ZC3H11A: variants seen among roughly 807,000 people sequenced by gnomAD.
ZC3H11A encodes zinc finger CCCH-type containing 11A, also known as zinc finger CCCH domain-containing protein 11A.
Under a neutral mutation model 90.8 loss-of-function variants are expected in ZC3H11A, and 22 were observed. That is an observed-to-expected ratio of 0.24 (90% confidence interval 0.17 to 0.35). ZC3H11A has a LOEUF of 0.35. Among genes scored for constraint, ZC3H11A ranks in the 10% least tolerant of loss-of-function variants. ZC3H11A has a pLI of 1.00. For missense variants in ZC3H11A, 701 were observed against 964.9 expected, an observed-to-expected ratio of 0.73 and a Z score of 3.62; for synonymous variants, 294 against 339.8, an observed-to-expected ratio of 0.87 and a Z score of 1.48.
chr1:203,822,018 A>G (rs1323841612), intron 4 of ZC3H11A, among the ~76,000 whole-genome samples: 1 of 152,042 alleles, frequency 6.6e-6, no homozygotes, highest in Non-Finnish European at 1.5e-5. Flanking sequence ...TGGCCTCCCA[A>G]AGTCCTGGGA....
chr1:203,796,343 G>A (rs1339683351), intron 1 of ZC3H11A: 16 of 398,344 alleles, frequency 4.0e-5, no homozygotes, highest in Non-Finnish European at 7.1e-5. Flanking sequence ...GAAAGCCACC[G>A]ACCTTATTCC....
rs1159322906 is a variant in ZC3H11A, at chr1:203,817,667, A to G, written c.54+543A>G. The stretch of plus-strand genomic sequence containing the variant: ...TTGATTCTTTTGCAGCTCTATTTAC[A>G]TATACCTATTGCTTTCTGTGATTTT... On this transcript the variant is annotated intron_variant, in intron 3 of 17. Transcript: ENST00000367210. 3.9e-5 allele frequency among the ~76,000 whole-genome samples: 6 copies of G among 152,032 alleles called. No individual in the cohort carries two copies. The East Asian group carries it at 9.6e-4, about 24-fold the overall frequency.
At chr1:203,850,108 A>C in intron 15 of ZC3H11A, 82 bp downstream of exon 15, 1 of 1,296,486 alleles carries the variant, frequency 7.7e-7, no homozygotes, top group Non-Finnish European at 1.1e-6. Context: ...ACTTCCTGGC[A>C]ACAATTGGGT....
chr1:203,847,779 C>A, intron 13 of ZC3H11A, 92 bp downstream of exon 13: 1 of 1,511,454 alleles, frequency 6.6e-7, no homozygotes, highest in Non-Finnish European at 8.9e-7. Context: ...GTTTGACAAC[C>A]TTTCTTTACT....
intron 4 of ZC3H11A, among the ~76,000 whole-genome samples, chr1:203,822,019 A>T (rs1442764779): frequency 2.0e-5 from 3 of 152,092 alleles, no homozygotes; most frequent in South Asian, 4.1e-4. Context: ...GGCCTCCCAA[A>T]GTCCTGGGAT....
At chr1:203,808,990 C>T (rs935621057) in intron 2 of ZC3H11A, among the ~76,000 whole-genome samples, 2 of 151,784 alleles carry the variant, frequency 1.3e-5, no homozygotes, top group Admixed American at 6.6e-5. Flanking sequence ...GCCACCACGC[C>T]CAGCTAATTT....
At chr1:203,806,609 C>CT (rs1245386454) in intron 2 of ZC3H11A, among the ~76,000 whole-genome samples, 1 of 152,066 alleles carries the variant, frequency 6.6e-6, no homozygotes, top group Non-Finnish European at 1.5e-5. Flanking sequence ...GGCCTAACAC[C>CT]TTTTTTTCTT....
At position 203,820,170 on chromosome 1, in the gene ZC3H11A, G is replaced by C. The variant is rs1275583271; in HGVS notation, c.174+1481G>C. Among the ~76,000 whole-genome samples, 6 of 151,718 alleles carry C rather than the reference G, an allele frequency of 4.0e-5. No homozygotes were observed. The South Asian group carries it at 8.3e-4, about 21-fold the overall frequency. ...GAATCGCTTGAACCTGGGAGGCGGA[G>C]GTTGCACTGAGCTGAGATTGCGCCA... On this transcript the variant is annotated intron_variant, in intron 4 of 17. Transcript: ENST00000367210.
chr1:203,849,958 C>A lies in ZC3H11A; in HGVS notation c.1871C>A (p.Thr624Asn), dbSNP rs750473474. The change falls in exon 15 of 18, where the codon ACC becomes AAC. Residue 624 changes from threonine to asparagine, a missense_variant. Physicochemically the swap from Thr to Asn is moderately conservative, Grantham distance 65 (BLOSUM62 0). Coordinates refer to ENST00000367210, the MANE Select transcript of ZC3H11A (RefSeq NM_001376342.1). ...TKSSQKVEVETSGIGDSLLNV... is the reference protein window; with the variant it reads ...TKSSQKVEVENSGIGDSLLNV... ...TCATCCCAGAAGGTGGAGGTAGAAA[C>A]CTCAGGGATTGGAGACTCATTATTG... is the stretch of plus-strand genomic sequence containing the variant. 1 of 1,613,914 alleles carries A rather than the reference C, an allele frequency of 6.2e-7. No homozygotes were observed. The highest frequency in any genetic ancestry group is 1.3e-5 in the African/African-American group (1 of 74,862).
At chr1:203,843,574 C>T (rs146921242) in intron 12 of ZC3H11A, among the ~76,000 whole-genome samples, 221 of 152,294 alleles carry the variant, frequency 1.5e-3, no homozygotes, top group African/African-American at 5.1e-3. Context: ...AGTATTGCAG[C>T]TACCCCACTC....
chr1:203,799,494 C>T (rs1323895920), intron 1 of ZC3H11A: 1 of 703,012 alleles, frequency 1.4e-6, no homozygotes, highest in South Asian at 1.5e-5. Context: ...GTTAAAATGG[C>T]TCTTGGAGCA....
At chr1:203,844,828 C>T (rs34962738) in intron 12 of ZC3H11A, among the ~76,000 whole-genome samples, 14,786 of 151,812 alleles carry the variant, frequency 0.097, 1,064 homozygotes, top group Non-Finnish European at 0.15. Flanking sequence ...TACTTTTATC[C>T]CTCCTCCCTC....
chr1:203,833,373 A>AC (rs1683073722), intron 9 of ZC3H11A, among the ~76,000 whole-genome samples: 1 of 147,792 alleles, frequency 6.8e-6, no homozygotes, highest in Non-Finnish European at 1.5e-5. Flanking sequence ...TCAAAAAAAA[A>AC]AAAAAAAAAA....
At chr1:203,817,710 C>T (rs1016237047) in intron 3 of ZC3H11A, among the ~76,000 whole-genome samples, 5 of 151,892 alleles carry the variant, frequency 3.3e-5, no homozygotes, top group Admixed American at 1.3e-4. Flanking sequence ...ATTCTATAAA[C>T]GTATATGTTA....
intron 11 of ZC3H11A, among the ~76,000 whole-genome samples, chr1:203,838,954 C>CAAAAAAAAAAAA (rs59033094): frequency 4.1e-5 from 4 of 97,934 alleles, no homozygotes; most frequent in African/African-American, 1.3e-4. Flanking sequence ...GACTTCATCT[C>CAAAAAAAAAAAA]AAAAAAAAAA....
intron 10 of ZC3H11A, chr1:203,834,073 C>T: frequency 2.5e-6 from 3 of 1,206,166 alleles, no homozygotes; most frequent in South Asian, 3.7e-5. Context: ...CCATGACCAG[C>T]GTTTTGGAAG....
rs1367311821 is a variant in ZC3H11A at position 203,850,386 on chromosome 1, A to G, written c.1940-129A>G. ...CACAAATTGCCTTTGAATCGTTTTCAGTCTCTTTTTAAATGAATTATTTGT... is the reference window on the plus strand; with the variant it reads ...CACAAATTGCCTTTGAATCGTTTTCGGTCTCTTTTTAAATGAATTATTTGT... On this transcript the variant is annotated intron_variant, in intron 15 of 17. Coordinates refer to ENST00000367210, the MANE Select transcript of ZC3H11A (RefSeq NM_001376342.1). The G allele has an allele frequency of 2.9e-6, 4 of 1,399,952 alleles. No homozygotes were observed. In the African/African-American group the frequency reaches 4.3e-5, roughly 15 times the overall value. The allele number at this position is 1,399,952 out of a possible 1,614,324, so 86.7% of individuals were successfully genotyped here. A position where few individuals can be genotyped will look rare whatever the true frequency, so the allele number is the denominator to read the frequency against.
rs373989899 is a variant in ZC3H11A, at chr1:203,852,230, G to A, written c.2264G>A (p.Arg755His). ...PSSSQMSMKT[R>H]RLSSASTGKP... ...TCATCCCAAATGAGCATGAAAACTC[G>A]CCGACTCAGCTCTGCCTCAACAGGA... is the stretch of plus-strand genomic sequence containing the variant. Residue 755 changes from arginine (R) to histidine (H), a missense_variant, in exon 18 of 18, where the codon CGC (arginine) becomes CAC (histidine). Arg to His is a conservative substitution (Grantham distance 29). Transcript: ENST00000367210. 174 of 1,613,140 alleles carry A rather than the reference G, an allele frequency of 1.1e-4. No homozygotes were observed. The highest frequency in any genetic ancestry group is 1.4e-4 in the Non-Finnish European group (167 of 1,179,770).
intron 4 of ZC3H11A, among the ~76,000 whole-genome samples, chr1:203,823,721 C>T (rs1379151986): frequency 6.6e-6 from 1 of 152,164 alleles, no homozygotes; most frequent in African/African-American, 2.4e-5. Context: ...AATACTTATA[C>T]TTTTTACACA....
Sources: allele counts gnomAD v4.1 joint callset (sites outside exome capture counted in the v4.1 genomes callset), GRCh38; gene constraint gnomAD v4.1.1; transcripts MANE v1.5; gene names NCBI Gene and HGNC (gene_info 2026-07-23, HGNC 2026-07-21).